The following TRIM36 variants were observed in gnomAD, a reference collection of about 807,000 sequenced individuals.
The protein encoded by TRIM36 is tripartite motif containing 36.
Under a neutral mutation model 72.4 loss-of-function variants are expected in TRIM36, and 42 were observed. That is an observed-to-expected ratio of 0.58 (90% CI 0.45 to 0.75). TRIM36 has a LOEUF of 0.75. TRIM36 is among the 30% of genes least tolerant of loss of function. The pLI, the probability that TRIM36 is intolerant of heterozygous loss-of-function variation, is 0.00. For missense variants in TRIM36, 913 were observed against 857.1 expected (o/e 1.07, Z -0.81); for synonymous variants, 315 against 282.8 (o/e 1.11, Z -1.14).
chr5:115,150,764 C>A (rs1392207179), intron 2 of TRIM36, among the ~76,000 whole-genome samples: 6 of 152,216 alleles, frequency 3.9e-5, no homozygotes, highest in African/African-American at 1.4e-4. Context: ...CCTGAACACA[C>A]CTCCACTGGG....
chr5:115,142,298 A>C (rs1753320528), intron 4 of TRIM36, among the ~76,000 whole-genome samples: 1 of 152,168 alleles, frequency 6.6e-6, no homozygotes, highest in African/African-American at 2.4e-5. Flanking sequence ...GCTGAAAGTA[A>C]AATGGCAATT....
intron 1 of TRIM36, among the ~76,000 whole-genome samples, chr5:115,168,623 T>C (rs1754915297): frequency 6.6e-6 from 1 of 152,244 alleles, no homozygotes; most frequent in Admixed American, 6.5e-5. Flanking sequence ...GGTGTTTCGA[T>C]GCAGTCTCTT....
intron 8 of TRIM36, among the ~76,000 whole-genome samples, chr5:115,131,723 C>T (rs957974399): frequency 3.9e-5 from 6 of 152,240 alleles, no homozygotes; most frequent in African/African-American, 1.4e-4. Flanking sequence ...ATACATGCTA[C>T]ATGTATGGAT....
At chr5:115,177,887 G>C (rs1439632657) in intron 1 of TRIM36, 5 of 1,612,834 alleles carry the variant, frequency 3.1e-6, no homozygotes, top group Non-Finnish European at 4.2e-6. Context: ...TGAAGAGAGA[G>C]ACAGAGAGAG....
At chr5:115,173,522 ATGTGTGTG>A (rs57515389), upstream of TRIM36, among the ~76,000 whole-genome samples, 1 of 148,412 alleles carries the variant, frequency 6.7e-6, no homozygotes, top group Non-Finnish European at 1.5e-5. Context: ...GTGTATTTGA[ATGTGTGTG>A]TGTGTGTGTG....
chr5:115,137,027 G>T lies in TRIM36; in HGVS notation c.1183C>A (p.Leu395Ile), dbSNP rs868731790. The T allele has an allele frequency of 1.2e-6, 2 of 1,604,604 alleles. No homozygotes were observed. Among genetic ancestry groups the T allele is most frequent in the East Asian group, 2.2e-5 (1 of 44,706 alleles). Residue 395 changes from leucine to isoleucine, a missense_variant, in exon 7 of 10, where the codon CTT (leucine) becomes ATT (isoleucine). Transcript: ENST00000513154. ...CTAGAGAAAAAGGATAATTCTCCAA[G>T]AAGTTCTGTTTGTTTAGAGGTATTA... is the stretch of plus-strand genomic sequence containing the variant. ...VVNTSKQTEL[L>I]GELSFFSSGI...
chr5:115,156,693 A>C (rs1439255092), intron 2 of TRIM36, among the ~76,000 whole-genome samples: 1 of 152,248 alleles, frequency 6.6e-6, no homozygotes, highest in Admixed American at 6.5e-5. Flanking sequence ...CTTAAACCTA[A>C]GACCTGAAAC....
chr5:115,157,718 A>C (rs1219672793), intron 2 of TRIM36, among the ~76,000 whole-genome samples: 1 of 152,164 alleles, frequency 6.6e-6, no homozygotes, highest in Non-Finnish European at 1.5e-5. Flanking sequence ...ACGTGGAAAA[A>C]ACCCAAATGC....
At chr5:115,171,202 G>A, upstream of TRIM36, 4 of 1,614,178 alleles carry the variant, frequency 2.5e-6, no homozygotes, top group Non-Finnish European at 3.4e-6. Flanking sequence ...TGCAGCGGTA[G>A]CCTCGTCTCC....
intron 1 of TRIM36, chr5:115,168,902 C>A (rs1754930253): frequency 6.6e-6 from 1 of 152,170 alleles, no homozygotes; most frequent in Admixed American, 6.5e-5. Flanking sequence ...TTTCCATTTT[C>A]TTGTACATAA....
chr5:115,177,206 T>A (rs1755374971), intron 1 of TRIM36: 1 of 152,988 alleles, frequency 6.5e-6, no homozygotes, highest in Non-Finnish European at 1.5e-5. Flanking sequence ...AACCTTTCTG[T>A]GAAGTTTGAA....
At position 115,147,089 on chromosome 5, in the gene TRIM36, T is replaced by C. The variant is rs1197057591; in HGVS notation, c.568A>G (p.Thr190Ala). 1.3e-5 allele frequency: 21 copies of C among 1,612,668 alleles called. No homozygotes were observed. Among genetic ancestry groups the C allele is most frequent in the Non-Finnish European group, 1.7e-5 (20 of 1,178,920 alleles). ...CTTACCTTGGGTCTGAAGTTAGTAG[T>C]TGGACCAACATACTCATGTTGAGCT... is the stretch of plus-strand genomic sequence containing the variant. ...IKAQHEYVGP[T>A]TNFRPKILMC... The change falls in exon 3 of 10, where the codon ACT (threonine) becomes GCT (alanine). Residue 190 changes from threonine (T) to alanine (A), a missense_variant. Transcript: ENST00000513154.
chr5:115,133,727 C>T, intron 8 of TRIM36, 133 bp downstream of exon 8: 1 of 837,350 alleles, frequency 1.2e-6, no homozygotes. Flanking sequence ...GGGATAGAAG[C>T]TACTTTTCTG....
chr5:115,180,138 C>T, exon 1 of TRIM36: 3 of 1,184,896 alleles, frequency 2.5e-6, no homozygotes, highest in Non-Finnish European at 3.7e-6. Context: ...TGCCGAGCTC[C>T]CCGCCCATAA....
At chr5:115,168,164 C>T (rs1268055533) in intron 1 of TRIM36, among the ~76,000 whole-genome samples, 2 of 152,104 alleles carry the variant, frequency 1.3e-5, no homozygotes, top group African/African-American at 2.4e-5. Context: ...GGACACAAAG[C>T]CTAACCATAA....
At position 115,126,339 on chromosome 5, in the gene TRIM36, A is replaced by C; in HGVS notation, c.*164T>G. 5.1e-6 allele frequency: 3 copies of C among 588,702 alleles called. No homozygotes were observed. Among genetic ancestry groups the C allele is most frequent in the Non-Finnish European group, 8.8e-6 (3 of 340,680 alleles). 36.5% of individuals were successfully genotyped at this position (588,702 alleles called of 1,614,324 possible). A position where few individuals can be genotyped will look rare whatever the true frequency, so the allele number is the denominator to read the frequency against. ...CATTTGTGAAAGGCAGAACAACGACATGAAGACACAAGGCTGTTTAGATTT... is the reference window on the plus strand; with the variant it reads ...CATTTGTGAAAGGCAGAACAACGACCTGAAGACACAAGGCTGTTTAGATTT... On this transcript the variant is annotated 3_prime_UTR_variant, in exon 10 of 10. Transcript: ENST00000513154.
intron 1 of TRIM36, among the ~76,000 whole-genome samples, chr5:115,168,804 G>T (rs529268517): frequency 6.6e-6 from 1 of 152,292 alleles, no homozygotes; most frequent in African/African-American, 2.4e-5. Context: ...TCTTGTCCGG[G>T]ATATCCAAAA....
intron 2 of TRIM36, 25 bp from the exon 3 acceptor site, chr5:115,147,419 T>G (rs373855350): frequency 2.2e-4 from 349 of 1,592,466 alleles, no homozygotes; most frequent in Non-Finnish European, 2.7e-4. Flanking sequence ...AGTCTTTGTT[T>G]AGTTATAGCA....
intron 2 of TRIM36, among the ~76,000 whole-genome samples, chr5:115,157,901 G>C (rs966547754): frequency 6.6e-6 from 1 of 152,124 alleles, no homozygotes; most frequent in South Asian, 2.1e-4. Context: ...CTCATAAGTG[G>C]GAGCTAAGCT....
Sources: gnomAD v4.1 joint callset for allele counts (sites outside exome capture counted in the v4.1 genomes callset) on GRCh38, gnomAD v4.1.1 for gene constraint, MANE v1.5 for transcripts, NCBI Gene and HGNC (gene_info 2026-07-23, HGNC 2026-07-21) for gene names.